Variants in NTN1 observed in about 807,000 individuals in gnomAD.
NTN1 encodes the protein netrin-1.
In NTN1, 11 loss-of-function variants were observed where a neutral mutation model predicts 54.2. That is an observed-to-expected ratio of 0.20 (90% CI 0.13 to 0.34). The LOEUF (loss-of-function observed/expected upper bound fraction) is 0.34, where lower values mean the gene tolerates loss of function less well. Ranked by LOEUF, NTN1 falls within the 10% of genes least tolerant of loss-of-function variation. The pLI is 1.00. For missense variants in NTN1, 740 were observed against 893.1 expected (o/e 0.83, Z 2.18); for synonymous variants, 371 against 382.0 (o/e 0.97, Z 0.33).
chr17:9,089,031 C>A (rs937479884), intron 2 of NTN1, among the ~76,000 whole-genome samples: 3 of 152,116 alleles, frequency 2.0e-5, no homozygotes, highest in African/African-American at 7.2e-5. Context: ...GGAGGCAGGA[C>A]CCCCAGCTTA....
intron 2 of NTN1, among the ~76,000 whole-genome samples, chr17:9,046,141 A>G (rs2091940724): frequency 6.6e-6 from 1 of 152,248 alleles, no homozygotes; most frequent in South Asian, 2.1e-4. Flanking sequence ...TTTGTAAATC[A>G]CGTGTGATGA....
intron 2 of NTN1, among the ~76,000 whole-genome samples, chr17:9,145,110 A>T (rs548436747): frequency 6.6e-6 from 1 of 152,340 alleles, no homozygotes; most frequent in Non-Finnish European, 1.5e-5. Context: ...AGGGAAATTT[A>T]CTGCACAATA....
intron 5 of NTN1, among the ~76,000 whole-genome samples, chr17:9,206,732 T>G (rs1336486774): frequency 2.0e-5 from 3 of 152,224 alleles, no homozygotes; most frequent in Non-Finnish European, 4.4e-5. Context: ...TATTTTTAAA[T>G]CTGCAAATAT....
intron 2 of NTN1, among the ~76,000 whole-genome samples, chr17:9,041,183 A>G (rs1031228200): frequency 1.3e-5 from 2 of 152,166 alleles, no homozygotes; most frequent in Non-Finnish European, 2.9e-5. Context: ...AATGTAATGC[A>G]TTTCTTTAAT....
intron 2 of NTN1, among the ~76,000 whole-genome samples, chr17:9,098,297 C>G (rs892542415): frequency 6.6e-6 from 1 of 152,248 alleles, no homozygotes; most frequent in Non-Finnish European, 1.5e-5. Context: ...TTATTGGCCT[C>G]ACCTGGCAGT....
chr17:9,232,439 G>A (rs1905845469), intron 6 of NTN1, among the ~76,000 whole-genome samples: 2 of 152,164 alleles, frequency 1.3e-5, no homozygotes, highest in African/African-American at 2.4e-5. Context: ...CTCCCCAAGG[G>A]TCTGGCTCTC....
chr17:9,086,833 A>G (rs557020295), intron 2 of NTN1, among the ~76,000 whole-genome samples: 1 of 152,198 alleles, frequency 6.6e-6, no homozygotes, highest in African/African-American at 2.4e-5. Context: ...CGTTGCTGTC[A>G]TCATCACCAT....
At position 9,202,055 on chromosome 17, in the gene NTN1, C is replaced by CAA. The variant is rs773720564; in HGVS notation, c.1412-19079_1412-19078dup. On this transcript the variant is annotated intron_variant, in intron 5 of 6. Coordinates refer to ENST00000173229, the MANE Select transcript of NTN1 (RefSeq NM_004822.3). ...ACACACACACACACACACACACACACAAAAAAAAAAAAAAAAAAAAAAAAA... is the reference window on the plus strand; with the variant it reads ...ACACACACACACACACACACACACACAAAAAAAAAAAAAAAAAAAAAAAAAAA... Among the ~76,000 whole-genome samples the CAA allele has an allele frequency of 8.3e-5, 4 of 48,346 alleles. 1 individual carries two copies. The highest frequency in any genetic ancestry group is 3.4e-4 in the Admixed American group (1 of 2,912). 31.7% of individuals were successfully genotyped at this position (48,346 alleles called of 152,430 possible). A position where few individuals can be genotyped will look rare whatever the true frequency, so the allele number is the denominator to read the frequency against.
At chr17:9,089,786 A>C (rs2092103611) in intron 2 of NTN1, among the ~76,000 whole-genome samples, 1 of 152,292 alleles carries the variant, frequency 6.6e-6, no homozygotes, top group East Asian at 1.9e-4. Context: ...GCCTGTGATC[A>C]TCTTTTTCCA....
intron 2 of NTN1, among the ~76,000 whole-genome samples, chr17:9,027,319 C>T (rs750042392): frequency 6.6e-6 from 1 of 152,178 alleles, no homozygotes; most frequent in Non-Finnish European, 1.5e-5. Context: ...TTAATTTAGA[C>T]ATTTAATCAC....
intron 2 of NTN1, among the ~76,000 whole-genome samples, chr17:9,058,350 T>C (rs1354123499): frequency 6.6e-6 from 1 of 152,176 alleles, no homozygotes; most frequent in African/African-American, 2.4e-5. Context: ...CCTGCCTTTT[T>C]AAACAGAGCT....
At chr17:9,034,546 C>T (rs2091897427) in intron 2 of NTN1, among the ~76,000 whole-genome samples, 1 of 151,736 alleles carries the variant, frequency 6.6e-6, no homozygotes, top group African/African-American at 2.4e-5. Flanking sequence ...CCTCAGCCTC[C>T]CGAGTAGCTG....
chr17:9,228,820 CTGTGTGTGTGTGTGTG>C (rs10641432), intron 6 of NTN1, among the ~76,000 whole-genome samples: 3 of 141,310 alleles, frequency 2.1e-5, no homozygotes, highest in East Asian at 2.1e-4. Flanking sequence ...ATCTGTTCAG[CTGTGTGTGTGTGTGTG>C]TGTGTGTGTG....
chr17:9,206,579 T>C (rs1483253669), intron 5 of NTN1, among the ~76,000 whole-genome samples: 2 of 151,776 alleles, frequency 1.3e-5, no homozygotes, highest in African/African-American at 2.4e-5. Context: ...CCTTTGGGGG[T>C]CCCGGTGCAC....
At chr17:9,068,418 C>T (rs886336808) in intron 2 of NTN1, among the ~76,000 whole-genome samples, 1 of 151,846 alleles carries the variant, frequency 6.6e-6, no homozygotes, top group African/African-American at 2.4e-5. Flanking sequence ...CTCCTAGGCT[C>T]AAGGGATCCT....
chr17:9,173,625 A>G (rs2092393084), intron 3 of NTN1: 2 of 152,356 alleles, frequency 1.3e-5, no homozygotes, highest in Admixed American at 1.3e-4. Context: ...ACCTATGCAG[A>G]CTGATACTAC....
chr17:9,185,750 C>T (rs1364857828), intron 5 of NTN1, among the ~76,000 whole-genome samples: 2 of 152,176 alleles, frequency 1.3e-5, no homozygotes, highest in Non-Finnish European at 2.9e-5. Context: ...GCCTTCTCTC[C>T]CTGTACCACC....
At chr17:9,207,481 C>A (rs1904995403) in intron 5 of NTN1, among the ~76,000 whole-genome samples, 1 of 152,174 alleles carries the variant, frequency 6.6e-6, no homozygotes, top group Non-Finnish European at 1.5e-5. Context: ...AAGATTGTTA[C>A]AAACGCTCAC....
upstream of NTN1, among the ~76,000 whole-genome samples, chr17:9,016,981 G>C (rs575423949): frequency 7.2e-4 from 110 of 152,146 alleles, 2 homozygotes; most frequent in South Asian, 0.022. Flanking sequence ...AGCCTCCAGT[G>C]CTCCCAGCTC....
Sources: gnomAD v4.1 joint callset for allele counts (sites outside exome capture counted in the v4.1 genomes callset) on GRCh38, gnomAD v4.1.1 for gene constraint, MANE v1.5 for transcripts, NCBI Gene and HGNC (gene_info 2026-07-23, HGNC 2026-07-21) for gene names.